The following CFAP299 variants were observed in gnomAD, a reference collection of about 807,000 sequenced individuals.
CFAP299 encodes cilia- and flagella-associated protein 299.
A neutral mutation model predicts 27.0 loss-of-function variants in CFAP299; 21 were observed. That is an observed-to-expected ratio of 0.78 (90% CI 0.55 to 1.12). The LOEUF is 1.12. CFAP299 is among the 50% of genes most tolerant of loss of function. The probability of loss-of-function intolerance (pLI) is 0.00; values close to 1 mark genes in which losing one functional copy is unlikely to be tolerated. For missense variants in CFAP299, 310 were observed against 276.6 expected (o/e 1.12, Z -0.86); for synonymous variants, 104 against 98.1 (o/e 1.06, Z -0.36).
chr4:80,901,674 C>G (rs1734905555), intron 4 of CFAP299, among the ~76,000 whole-genome samples: 2 of 152,056 alleles, frequency 1.3e-5, no homozygotes, highest in Non-Finnish European at 2.9e-5. Context: ...GACTTCAAGA[C>G]TACATATTTA....
rs564494663 is a variant in CFAP299 at position 80,915,114 on chromosome 4, A to G, written c.477-29696A>G. 1.9e-3 allele frequency among the ~76,000 whole-genome samples: 282 copies of G among 151,744 alleles called. 2 individuals carry two copies. The highest frequency in any genetic ancestry group is 6.6e-3 in the African/African-American group (272 of 41,426). ...TAAAATTTGTTATATATTTATTTCA[A>G]TTTATTTCAAATATTTTCTAAATGC... is the stretch of plus-strand genomic sequence containing the variant. On this transcript the variant is annotated intron_variant, in intron 4 of 5. Transcript: ENST00000358105.
intron 2 of CFAP299, among the ~76,000 whole-genome samples, chr4:80,372,352 G>A (rs1287576629): frequency 6.6e-6 from 1 of 152,214 alleles, no homozygotes; most frequent in Non-Finnish European, 1.5e-5. Context: ...GACTTGGTGG[G>A]AATGCAGATT....
intron 3 of CFAP299, among the ~76,000 whole-genome samples, chr4:80,809,323 G>T (rs1291305168): frequency 6.6e-6 from 1 of 152,122 alleles, no homozygotes; most frequent in Non-Finnish European, 1.5e-5. Context: ...GTGGGAACAG[G>T]AGAATTGCAT....
intron 4 of CFAP299, among the ~76,000 whole-genome samples, chr4:80,938,655 C>T (rs1737043666): frequency 6.6e-6 from 1 of 152,178 alleles, no homozygotes; most frequent in Non-Finnish European, 1.5e-5. Flanking sequence ...TCTTTAATTC[C>T]TCTAGCGCTG....
At chr4:80,457,525 A>T (rs1389345640) in intron 2 of CFAP299, among the ~76,000 whole-genome samples, 3 of 152,184 alleles carry the variant, frequency 2.0e-5, no homozygotes, top group Non-Finnish European at 4.4e-5. Flanking sequence ...GAACAAATTT[A>T]TGTGTAAAAG....
At chr4:80,386,608 C>A in intron 2 of CFAP299, 1 of 1,598,500 alleles carries the variant, frequency 6.3e-7, no homozygotes, top group Non-Finnish European at 8.6e-7. Context: ...GGAAAAAGCC[C>A]TTGGCACAGC....
chr4:80,846,696 T>C (rs146108951), intron 3 of CFAP299, among the ~76,000 whole-genome samples: 166 of 152,310 alleles, frequency 1.1e-3, no homozygotes, highest in African/African-American at 3.8e-3. Flanking sequence ...TACTGTTAAT[T>C]GATGAGATTC....
At chr4:80,442,092 C>T (rs980107067) in intron 2 of CFAP299, among the ~76,000 whole-genome samples, 2 of 152,048 alleles carry the variant, frequency 1.3e-5, no homozygotes, top group African/African-American at 4.8e-5. Flanking sequence ...ACTTAGACTC[C>T]CACACAATAA....
intron 4 of CFAP299, among the ~76,000 whole-genome samples, chr4:80,883,352 G>GA (rs1271111511): frequency 6.6e-6 from 1 of 151,822 alleles, no homozygotes. Context: ...AAATCATAAA[G>GA]AAAAACAGCA....
At chr4:80,844,166 G>C (rs1156373563) in intron 3 of CFAP299, among the ~76,000 whole-genome samples, 2 of 151,926 alleles carry the variant, frequency 1.3e-5, no homozygotes, top group African/African-American at 4.8e-5. Context: ...TTGGACATTT[G>C]GGTTGGTTCC....
chr4:80,407,905 C>T (rs146095131), intron 2 of CFAP299, among the ~76,000 whole-genome samples: 3 of 152,132 alleles, frequency 2.0e-5, no homozygotes, highest in Non-Finnish European at 2.9e-5. Flanking sequence ...TAGTACTAGA[C>T]ATAATCTTTT....
At chr4:80,589,798 A>G (rs1736631183) in intron 3 of CFAP299, among the ~76,000 whole-genome samples, 1 of 152,202 alleles carries the variant, frequency 6.6e-6, no homozygotes, top group South Asian at 2.1e-4. Context: ...CAGTTACTTC[A>G]AATGCAAGTG....
chr4:80,859,365 AT>A (rs1311737904), intron 3 of CFAP299, among the ~76,000 whole-genome samples: 3 of 152,058 alleles, frequency 2.0e-5, no homozygotes, highest in Non-Finnish European at 4.4e-5. Flanking sequence ...TCTTTATCCA[AT>A]TTGCCAGTCT....
chr4:80,629,304 G>A (rs1238941341), intron 3 of CFAP299, among the ~76,000 whole-genome samples: 2 of 152,094 alleles, frequency 1.3e-5, no homozygotes, highest in Non-Finnish European at 2.9e-5. Flanking sequence ...ACCAGGGGCT[G>A]GGGTATTTGA....
intron 3 of CFAP299, among the ~76,000 whole-genome samples, chr4:80,661,628 C>T (rs189101656): frequency 1.3e-5 from 2 of 152,128 alleles, no homozygotes; most frequent in African/African-American, 4.8e-5. Flanking sequence ...GCCTCAGGAC[C>T]CTGTGATAAT....
At chr4:80,738,178 C>G (rs1253913436) in intron 3 of CFAP299, among the ~76,000 whole-genome samples, 3 of 152,068 alleles carry the variant, frequency 2.0e-5, no homozygotes, top group Non-Finnish European at 4.4e-5. Flanking sequence ...AAGCCATGTG[C>G]TAAGGAGAAG....
At chr4:80,706,686 T>C (rs1280067861) in intron 3 of CFAP299, among the ~76,000 whole-genome samples, 1 of 151,978 alleles carries the variant, frequency 6.6e-6, no homozygotes, top group African/African-American at 2.4e-5. Flanking sequence ...TGTTTTAGCA[T>C]ACATTTAAAA....
chr4:80,686,894 T>G (rs1720233130), intron 3 of CFAP299, among the ~76,000 whole-genome samples: 1 of 152,184 alleles, frequency 6.6e-6, no homozygotes, highest in African/African-American at 2.4e-5. Context: ...GACTGATGAG[T>G]CTTATATACC....
chr4:80,818,043 C>T (rs1383620797), intron 3 of CFAP299, among the ~76,000 whole-genome samples: 1 of 152,028 alleles, frequency 6.6e-6, no homozygotes, highest in Admixed American at 6.6e-5. Flanking sequence ...GGTAATTCCT[C>T]CCCATGTGTC....
Sources: gnomAD v4.1 joint callset for allele counts (sites outside exome capture counted in the v4.1 genomes callset) on GRCh38, gnomAD v4.1.1 for gene constraint, MANE v1.5 for transcripts, NCBI Gene and HGNC (gene_info 2026-07-23, HGNC 2026-07-21) for gene names.